SGCD: variants seen among roughly 807,000 people sequenced by gnomAD.
SGCD encodes the protein delta-sarcoglycan.
In SGCD, 18 loss-of-function variants were observed where a neutral mutation model predicts 36.6. The observed-to-expected ratio is 0.49, with a 90% CI of 0.34 to 0.73. The LOEUF is 0.73. Among genes scored for constraint, SGCD ranks in the 30% least tolerant of loss-of-function variants. The pLI is 0.01. For missense variants in SGCD, 387 were observed against 346.7 expected, an observed-to-expected ratio of 1.12 and a Z score of -0.92; for synonymous variants, 133 against 130.6, an observed-to-expected ratio of 1.02 and a Z score of -0.12.
At chr5:156,034,572 A>G (rs528808218) in intron 1 of SGCD, among the ~76,000 whole-genome samples, 2 of 152,250 alleles carry the variant, frequency 1.3e-5, no homozygotes, top group East Asian at 3.9e-4. Flanking sequence ...ACTATAATCA[A>G]TTGTGTCTTG....
chr5:156,636,035 T>TA (rs372020082), intron 6 of SGCD, among the ~76,000 whole-genome samples: 115 of 148,052 alleles, frequency 7.8e-4, no homozygotes, highest in East Asian at 2.2e-3. Context: ...TAAAGTGTAA[T>TA]AAAAAAAAAA....
intron 7 of SGCD, among the ~76,000 whole-genome samples, chr5:156,698,840 TACACACACACACACACACAC>T (rs150929203): frequency 5.7e-5 from 8 of 139,988 alleles, no homozygotes; most frequent in African/African-American, 1.8e-4. Context: ...TAAATTAAAA[TACACACACACACACACACAC>T]ACACACACAC....
rs112065614 is a variant in SGCD at position 156,006,459 on chromosome 5, G to C, written c.-281-111419G>C. The stretch of plus-strand genomic sequence containing the variant: ...CTTGTAAGCTTGTTACAAATGCGTT[G>C]TCTGGTGGATTTAAACCTCTCTTCC... On this transcript the variant is annotated intron_variant, in intron 1 of 9. Transcript: ENST00000517913. Among the ~76,000 whole-genome samples the C allele has an allele frequency of 7.5e-3, 1,137 of 152,196 alleles. 17 individuals carry two copies. Among genetic ancestry groups the C allele is most frequent in the African/African-American group, 0.025 (1,041 of 41,522 alleles).
At chr5:155,918,331 G>C (rs1178501373) in intron 1 of SGCD, among the ~76,000 whole-genome samples, 1 of 152,206 alleles carries the variant, frequency 6.6e-6, no homozygotes, top group South Asian at 2.1e-4. Flanking sequence ...GGGTGGCTGA[G>C]GCGGGCAGAT....
intron 1 of SGCD, among the ~76,000 whole-genome samples, chr5:155,871,108 G>T (rs997263415): frequency 6.6e-6 from 1 of 152,016 alleles, no homozygotes; most frequent in Non-Finnish European, 1.5e-5. Flanking sequence ...GTCAGAGAGA[G>T]GACCCAACAG....
At chr5:156,734,216 T>C (rs1199177033) in intron 7 of SGCD, among the ~76,000 whole-genome samples, 1 of 152,216 alleles carries the variant, frequency 6.6e-6, no homozygotes, top group East Asian at 1.9e-4. Flanking sequence ...CCCCAATCTC[T>C]TCTGGCTCAT....
chr5:156,333,144 C>A (rs1050873133), intron 2 of SGCD, among the ~76,000 whole-genome samples: 4 of 152,090 alleles, frequency 2.6e-5, no homozygotes, highest in African/African-American at 9.7e-5. Context: ...CATTTGAGAG[C>A]GCAGGTAATA....
intron 1 of SGCD, among the ~76,000 whole-genome samples, chr5:156,038,338 A>G (rs967095350): frequency 3.3e-5 from 5 of 152,146 alleles, no homozygotes; most frequent in African/African-American, 1.2e-4. Flanking sequence ...GACTAAGGAG[A>G]CCTGACAACT....
rs560928713 is a variant in SGCD at position 156,056,745 on chromosome 5, C to T, written c.-281-61133C>T. Among the ~76,000 whole-genome samples, 23 of 143,124 alleles carry T rather than the reference C, an allele frequency of 1.6e-4. 2 individuals are homozygous for T. Among genetic ancestry groups the T allele is most frequent in the African/African-American group, 5.8e-4 (23 of 39,846 alleles). 93.9% of individuals were successfully genotyped at this position (143,124 alleles called of 152,430 possible). A position where few individuals can be genotyped will look rare whatever the true frequency, so the allele number is the denominator to read the frequency against. ...TTTAGCCAGCTGAGCGTGAATTAAA[C>T]GTTTTCTCTATTGCAATTCTCCTGT... On this transcript the variant is annotated intron_variant, in intron 1 of 9. Transcript: ENST00000517913.
At chr5:155,821,515 G>A in the SGCD span, among the ~76,000 whole-genome samples, 20 of 152,130 alleles carry the variant, frequency 1.3e-4, no homozygotes, top group African/African-American at 3.9e-4. Flanking sequence ...GGGTTTCACC[G>A]TGTTAGCCAG....
chr5:156,568,037 TAGA>T (rs1759567853), intron 4 of SGCD, among the ~76,000 whole-genome samples: 1 of 152,152 alleles, frequency 6.6e-6, no homozygotes, highest in Non-Finnish European at 1.5e-5. Flanking sequence ...ACCTGAATGA[TAGA>T]AGAATTAAGT....
intron 3 of SGCD, among the ~76,000 whole-genome samples, chr5:156,389,216 A>G (rs980334066): frequency 3.3e-5 from 5 of 152,200 alleles, no homozygotes; most frequent in Non-Finnish European, 7.3e-5. Flanking sequence ...TAACAATTGT[A>G]TATTTCTGCA....
chr5:156,258,615 C>G (rs1765773314), intron 3 of SGCD, among the ~76,000 whole-genome samples: 1 of 152,142 alleles, frequency 6.6e-6, no homozygotes, highest in Admixed American at 6.5e-5. Flanking sequence ...TCTTCATATA[C>G]TTCAACACAC....
chr5:156,376,480 T>C (rs1770676783), intron 3 of SGCD, among the ~76,000 whole-genome samples: 2 of 152,226 alleles, frequency 1.3e-5, no homozygotes, highest in Admixed American at 1.3e-4. Flanking sequence ...AAGTCTATAA[T>C]CATGCATATG....
chr5:156,014,178 A>C (rs1306710795), intron 1 of SGCD, among the ~76,000 whole-genome samples: 1 of 152,072 alleles, frequency 6.6e-6, no homozygotes, highest in Non-Finnish European at 1.5e-5. Context: ...TAATATTTTA[A>C]ATCTTTATAA....
intron 1 of SGCD, among the ~76,000 whole-genome samples, chr5:155,878,776 C>A (rs1381093324): frequency 6.6e-6 from 1 of 152,088 alleles, no homozygotes; most frequent in Non-Finnish European, 1.5e-5. Context: ...GCACTATTTT[C>A]ATATCCAATA....
chr5:156,431,039 A>G (rs1167991416), intron 3 of SGCD, among the ~76,000 whole-genome samples: 1 of 152,204 alleles, frequency 6.6e-6, no homozygotes, highest in Admixed American at 6.5e-5. Context: ...TGGTGGGCCA[A>G]GATCCCAGTC....
chr5:156,410,865 C>T (rs1772706633), intron 3 of SGCD, among the ~76,000 whole-genome samples: 1 of 151,872 alleles, frequency 6.6e-6, no homozygotes. Flanking sequence ...TTCTGGAATC[C>T]TAATCCTCCC....
intron 6 of SGCD, among the ~76,000 whole-genome samples, chr5:156,625,184 A>G (rs1363743): frequency 0.22 from 33,973 of 152,060 alleles, 3,931 homozygotes; most frequent in East Asian, 0.31. Context: ...GAGACTGGCT[A>G]TGATTTTAGG....
Sources: gnomAD v4.1 joint callset for allele counts (sites outside exome capture counted in the v4.1 genomes callset) on GRCh38, gnomAD v4.1.1 for gene constraint, MANE v1.5 for transcripts, NCBI Gene and HGNC (gene_info 2026-07-23, HGNC 2026-07-21) for gene names.